PTPRG: variants seen among roughly 807,000 people sequenced by gnomAD.
PTPRG encodes receptor-type tyrosine-protein phosphatase gamma.
PTPRG carries 102 observed loss-of-function variants against 165.3 expected under a neutral mutation model. That is an observed-to-expected ratio of 0.62 (90% CI 0.53 to 0.73). PTPRG has a LOEUF of 0.73. Ranked by LOEUF, PTPRG falls within the 30% of genes least tolerant of loss-of-function variation. The pLI, the probability that PTPRG is intolerant of heterozygous loss-of-function variation, is 0.00. For synonymous variants in PTPRG, 675 were observed against 669.5 expected, an observed-to-expected ratio of 1.01 and a Z score of -0.13; for missense variants, 1,866 against 1,861.4, an observed-to-expected ratio of 1.00 and a Z score of -0.05.
At chr3:61,719,645 C>A (rs1265674301) in intron 1 of PTPRG, among the ~76,000 whole-genome samples, 1 of 152,170 alleles carries the variant, frequency 6.6e-6, no homozygotes, top group Non-Finnish European at 1.5e-5. Flanking sequence ...TTTTCTCAAT[C>A]CTTCATCCTG....
In PTPRG at chr3:61,813,974, C is replaced by A. The variant is rs567359566; in HGVS notation, c.190+64992C>A. Among the ~76,000 whole-genome samples, 5 of 150,138 alleles carry A rather than the reference C, an allele frequency of 3.3e-5. No homozygotes were observed. The South Asian group carries it at 6.3e-4, about 19-fold the overall frequency. On this transcript the variant is annotated intron_variant, in intron 2 of 29. Coordinates refer to ENST00000474889, the MANE Select transcript of PTPRG (RefSeq NM_002841.4). ...GCAGTGGCGCAATCTTGTCTTGGCT[C>A]ACTGCAACCTTGGTCTCCTGGGTTC...
intron 12 of PTPRG, among the ~76,000 whole-genome samples, chr3:62,206,063 C>T (rs1470018651): frequency 6.6e-6 from 1 of 152,132 alleles, no homozygotes; most frequent in Non-Finnish European, 1.5e-5. Context: ...GCATTCTCAG[C>T]CTGCTCCTCT....
chr3:62,249,462 G>C (rs1179903283), intron 15 of PTPRG, among the ~76,000 whole-genome samples: 1 of 152,112 alleles, frequency 6.6e-6, no homozygotes, highest in African/African-American at 2.4e-5. Flanking sequence ...CTATGCTAGG[G>C]CTCTGTTTTT....
intron 2 of PTPRG, among the ~76,000 whole-genome samples, chr3:61,830,572 T>A (rs11711162): frequency 5.4e-5 from 3 of 55,368 alleles, no homozygotes; most frequent in African/African-American, 2.9e-4. Context: ...TTTTGTTTTT[T>A]TTTTTTTTTT....
intron 12 of PTPRG, among the ~76,000 whole-genome samples, chr3:62,216,077 G>C (rs1407558689): frequency 6.6e-6 from 1 of 152,112 alleles, no homozygotes; most frequent in Non-Finnish European, 1.5e-5. Context: ...AATTGGCCAG[G>C]CGTGGTGGCA....
At chr3:61,691,439 G>A (rs929149956) in intron 1 of PTPRG, among the ~76,000 whole-genome samples, 1 of 152,172 alleles carries the variant, frequency 6.6e-6, no homozygotes, top group Non-Finnish European at 1.5e-5. Flanking sequence ...AGAACAATGT[G>A]CAAAATGGAG....
intron 2 of PTPRG, among the ~76,000 whole-genome samples, chr3:61,926,909 G>GT (rs1306278203): frequency 6.6e-6 from 1 of 151,522 alleles, no homozygotes; most frequent in African/African-American, 2.4e-5. Context: ...GAAAAAAACA[G>GT]TTCGGGGGGA....
chr3:61,713,536 T>C (rs1379973974), intron 1 of PTPRG, among the ~76,000 whole-genome samples: 1 of 152,144 alleles, frequency 6.6e-6, no homozygotes, highest in African/African-American at 2.4e-5. Flanking sequence ...AAGGGGATTA[T>C]AGTAGAGAAT....
At chr3:61,903,034 C>T (rs902373803) in intron 2 of PTPRG, among the ~76,000 whole-genome samples, 1 of 152,180 alleles carries the variant, frequency 6.6e-6, no homozygotes, top group African/African-American at 2.4e-5. Flanking sequence ...ACCTGCCAAA[C>T]TCCTTCCAGT....
intron 2 of PTPRG, among the ~76,000 whole-genome samples, chr3:61,950,382 T>C (rs2039870817): frequency 6.6e-6 from 1 of 152,232 alleles, no homozygotes; most frequent in Non-Finnish European, 1.5e-5. Flanking sequence ...AGTTCCAGTC[T>C]TGTGGAAGTT....
chr3:62,159,618 C>T (rs970623405), intron 7 of PTPRG, among the ~76,000 whole-genome samples: 1 of 152,198 alleles, frequency 6.6e-6, no homozygotes, highest in Non-Finnish European at 1.5e-5. Context: ...ATTCCACTCT[C>T]TGCCACCCAT....
chr3:62,023,376 T>G (rs1210823539), intron 4 of PTPRG, among the ~76,000 whole-genome samples: 1 of 152,088 alleles, frequency 6.6e-6, no homozygotes, highest in East Asian at 1.9e-4. Flanking sequence ...TTACTATGAG[T>G]GTATATCTCT....
At chr3:62,256,924 TA>T (rs943928222) in intron 16 of PTPRG, among the ~76,000 whole-genome samples, 3 of 152,116 alleles carry the variant, frequency 2.0e-5, no homozygotes, top group Non-Finnish European at 4.4e-5. Context: ...ATTTCTGTCC[TA>T]AAAAAATATA....
intron 1 of PTPRG, among the ~76,000 whole-genome samples, chr3:61,697,532 T>C (rs561840190): frequency 1.1e-4 from 16 of 152,224 alleles, no homozygotes; most frequent in Non-Finnish European, 2.1e-4. Context: ...TGCCCAGACA[T>C]GTTTTTCATC....
intron 5 of PTPRG, among the ~76,000 whole-genome samples, chr3:62,113,424 A>G (rs1702740412): frequency 6.6e-6 from 1 of 152,226 alleles, no homozygotes; most frequent in African/African-American, 2.4e-5. Flanking sequence ...ACTTATTTAT[A>G]ATTTAATCAT....
chr3:62,027,975 ATT>A (rs1267132836), intron 4 of PTPRG, among the ~76,000 whole-genome samples: 5 of 152,214 alleles, frequency 3.3e-5, no homozygotes, highest in African/African-American at 1.2e-4. Context: ...GTGATTATTT[ATT>A]CCTCAGATCT....
intron 2 of PTPRG, among the ~76,000 whole-genome samples, chr3:61,779,739 CA>C (rs1559607646): frequency 6.6e-6 from 1 of 152,076 alleles, no homozygotes; most frequent in East Asian, 1.9e-4. Context: ...GTTAATATCC[CA>C]CCCACATTTT....
chr3:62,143,769 C>A (rs1293145234), intron 6 of PTPRG, among the ~76,000 whole-genome samples: 1 of 152,154 alleles, frequency 6.6e-6, no homozygotes, highest in Non-Finnish European at 1.5e-5. Context: ...AGCAGTACTT[C>A]AAAGTTCAGG....
intron 2 of PTPRG, among the ~76,000 whole-genome samples, chr3:61,816,156 T>G (rs943202661): frequency 3.3e-5 from 5 of 152,168 alleles, no homozygotes; most frequent in Non-Finnish European, 7.4e-5. Flanking sequence ...GAAGTTCAAA[T>G]AGCAAGGCAA....
Sources: gnomAD v4.1 joint callset for allele counts (sites outside exome capture counted in the v4.1 genomes callset) on GRCh38, gnomAD v4.1.1 for gene constraint, MANE v1.5 for transcripts, NCBI Gene and HGNC (gene_info 2026-07-23, HGNC 2026-07-21) for gene names.